ARID1B: variants seen among roughly 807,000 people sequenced by gnomAD.
The protein encoded by ARID1B is AT-rich interaction domain 1B.
ARID1B carries 30 observed loss-of-function variants against 212.3 expected under a neutral mutation model. That is an observed-to-expected ratio of 0.14 (90% CI 0.11 to 0.19). The LOEUF is 0.19. ARID1B is among the 10% of genes least tolerant of loss of function. The pLI, the probability that ARID1B is intolerant of heterozygous loss-of-function variation, is 1.00. For missense variants in ARID1B, 2,891 were observed against 3,204.0 expected, an observed-to-expected ratio of 0.90 and a Z score of 2.36; for synonymous variants, 1,402 against 1,301.7, an observed-to-expected ratio of 1.08 and a Z score of -1.66.
At chr6:156,873,752 G>A (rs978116446) in intron 2 of ARID1B, among the ~76,000 whole-genome samples, 121 of 152,268 alleles carry the variant, frequency 7.9e-4, no homozygotes, top group African/African-American at 2.8e-3. Context: ...AGGATGGCCC[G>A]GTCTTCCCCA....
At chr6:157,167,603 A>T (rs1791426273) in intron 9 of ARID1B, 1 of 159,710 alleles carries the variant, frequency 6.3e-6, no homozygotes, top group Non-Finnish European at 1.4e-5. Context: ...AGTACTTTTT[A>T]CATTTAGGGA....
chr6:156,836,436 C>T (rs1029890270), intron 2 of ARID1B, among the ~76,000 whole-genome samples: 15 of 152,048 alleles, frequency 9.9e-5, no homozygotes, highest in African/African-American at 3.4e-4. Flanking sequence ...TTGGCCCACT[C>T]GGTGAATCAG....
At chr6:156,926,819 T>C (rs548886401) in intron 3 of ARID1B, among the ~76,000 whole-genome samples, 1 of 152,208 alleles carries the variant, frequency 6.6e-6, no homozygotes, top group Middle Eastern at 3.4e-3. Context: ...GTAGCTGGGA[T>C]TACAGGCACT....
At chr6:157,005,128 G>GTTT (rs914908254) in intron 4 of ARID1B, among the ~76,000 whole-genome samples, 23 of 125,460 alleles carry the variant, frequency 1.8e-4, no homozygotes, top group African/African-American at 3.1e-4. Flanking sequence ...TGGCCAGGCT[G>GTTT]TTTTTTGTTG....
intron 7 of ARID1B, among the ~76,000 whole-genome samples, chr6:157,135,393 G>C (rs1011173887): frequency 6.6e-6 from 1 of 152,154 alleles, no homozygotes; most frequent in Non-Finnish European, 1.5e-5. Flanking sequence ...GTGTTTTAAG[G>C]CATGAACCTT....
At position 156,930,108 on chromosome 6, in the gene ARID1B, T is replaced by C. The variant is rs533203785; in HGVS notation, c.2137-5358T>C. Among the ~76,000 whole-genome samples, 4 of 152,360 alleles carry C rather than the reference T, an allele frequency of 2.6e-5. No individual in the cohort carries two copies. The South Asian group carries it at 8.3e-4, about 32-fold the overall frequency. On this transcript the variant is annotated intron_variant, in intron 3 of 19. Coordinates refer to ENST00000636930, the MANE Select transcript of ARID1B (RefSeq NM_001374828.1). ...TATTAACATTTCAAATGTAGCAATCTGATACAGTTTGGATCTGTGTCTCCA... is the reference window on the plus strand; with the variant it reads ...TATTAACATTTCAAATGTAGCAATCCGATACAGTTTGGATCTGTGTCTCCA...
At chr6:157,180,934 A>G (rs949231138) in intron 11 of ARID1B, 35 bp from the exon 12 acceptor site, 9 of 1,588,614 alleles carry the variant, frequency 5.7e-6, no homozygotes, top group Admixed American at 1.7e-5. Flanking sequence ...CTGCCCACCC[A>G]TGCCCCACCT....
chr6:157,096,376 T>C lies in ARID1B; in HGVS notation c.2491+11471T>C, dbSNP rs1433198752. Among the ~76,000 whole-genome samples, 5 of 152,230 alleles carry C rather than the reference T, an allele frequency of 3.3e-5. No homozygotes were observed. In the South Asian group the frequency reaches 6.2e-4, roughly 19 times the overall value. Reference sequence around the variant, plus strand: ...AGAGAGTTCTGAAATTGGTGACTTATAACCTTTCTCCTGTGGGCTTGGAGC... The same window carrying C: ...AGAGAGTTCTGAAATTGGTGACTTACAACCTTTCTCCTGTGGGCTTGGAGC... On this transcript the variant is annotated intron_variant, in intron 5 of 19. Coordinates refer to ENST00000636930, the MANE Select transcript of ARID1B (RefSeq NM_001374828.1).
In ARID1B at chr6:157,148,676, C is replaced by T. The variant is rs766290096; in HGVS notation, c.2814C>T (p.Ser938=). Residue 938 remains serine, a synonymous_variant, in exon 8 of 20, where the codon AGC becomes AGT. Coordinates refer to ENST00000636930, the MANE Select transcript of ARID1B (RefSeq NM_001374828.1). This position sits in a 1 kb window ranked among gnomAD's most constrained non-coding sequence, Gnocchi z 5.6. The part of the protein sequence containing the change: ...AYSGVPSASY[S]GPGPGMGISA... ...GTGGGGTGCCCAGTGCAAGCTACAG[C>T]GGCCCAGGGCCCGGTATGGGTATCA... 20 of 1,610,896 alleles carry T rather than the reference C, an allele frequency of 1.2e-5. No individual in the cohort carries two copies. Among genetic ancestry groups the T allele is most frequent in the Admixed American group, 5.0e-5 (3 of 59,992 alleles).
At chr6:157,085,411 G>A (rs191950356) in intron 5 of ARID1B, among the ~76,000 whole-genome samples, 100 of 152,266 alleles carry the variant, frequency 6.6e-4, no homozygotes, top group African/African-American at 2.3e-3. Flanking sequence ...ATACAAACTC[G>A]TGCCTTCTCT....
intron 4 of ARID1B, among the ~76,000 whole-genome samples, chr6:157,069,606 T>G (rs1783887566): frequency 1.3e-5 from 2 of 152,242 alleles, no homozygotes; most frequent in African/African-American, 2.4e-5. Context: ...CTTCAGCATT[T>G]ATTCATGTTC....
At chr6:156,838,133 A>G (rs1361466354) in intron 2 of ARID1B, among the ~76,000 whole-genome samples, 1 of 152,040 alleles carries the variant, frequency 6.6e-6, no homozygotes, top group Non-Finnish European at 1.5e-5. Context: ...ATTTTATTTT[A>G]TTTTATTTTT....
chr6:157,097,692 T>C lies in ARID1B; in HGVS notation c.2492-12780T>C, dbSNP rs576935546. 2.6e-5 allele frequency among the ~76,000 whole-genome samples: 4 copies of C among 152,290 alleles called. No individual in the cohort carries two copies. In the East Asian group the frequency reaches 7.7e-4, roughly 29 times the overall value. ...TGCCTTGGCTTTAAAAAGGCCTGTC[T>C]CTATCCGGCAGCACAGAGCAGCGAT... On this transcript the variant is annotated intron_variant, in intron 5 of 19. Coordinates refer to ENST00000636930, the MANE Select transcript of ARID1B (RefSeq NM_001374828.1).
intron 5 of ARID1B, among the ~76,000 whole-genome samples, chr6:157,085,632 A>G (rs1216931850): frequency 6.6e-6 from 1 of 152,136 alleles, no homozygotes; most frequent in Non-Finnish European, 1.5e-5. Flanking sequence ...ACCAAACCAG[A>G]TAATTCATTC....
At chr6:156,826,413 G>A (rs1782743960) in intron 1 of ARID1B, among the ~76,000 whole-genome samples, 1 of 152,230 alleles carries the variant, frequency 6.6e-6, no homozygotes, top group Non-Finnish European at 1.5e-5. Context: ...TGTTTAGTCT[G>A]TCTCCTTCAG....
chr6:156,900,838 C>T (rs1028019818), intron 2 of ARID1B, among the ~76,000 whole-genome samples: 1 of 152,108 alleles, frequency 6.6e-6, no homozygotes, highest in African/African-American at 2.4e-5. Flanking sequence ...AAGAAAATGC[C>T]ATCCTTAGCA....
At chr6:156,939,136 A>G (rs1333193520) in intron 4 of ARID1B, 1 of 152,190 alleles carries the variant, frequency 6.6e-6, no homozygotes, top group African/African-American at 2.4e-5. Context: ...TATTACTGTT[A>G]TTGATAAATC....
intron 4 of ARID1B, chr6:156,939,859 C>G (rs1562498245): frequency 1.3e-5 from 2 of 151,884 alleles, no homozygotes; most frequent in East Asian, 1.9e-4. Context: ...AATTAATTGA[C>G]AGAAATGGTA....
intron 4 of ARID1B, chr6:156,939,691 G>A (rs932893332): frequency 1.3e-5 from 2 of 152,058 alleles, no homozygotes; most frequent in African/African-American, 2.4e-5. Context: ...ATCGCCAGGT[G>A]GGTGTTATTC....
Sources: gnomAD v4.1 joint callset for allele counts (sites outside exome capture counted in the v4.1 genomes callset) on GRCh38, gnomAD v4.1.1 for gene constraint, Gnocchi (gnomAD v3.1) non-coding constraint, MANE v1.5 for transcripts, NCBI Gene and HGNC (gene_info 2026-07-23, HGNC 2026-07-21) for gene names.